ESR1: variants seen among roughly 807,000 people sequenced by gnomAD.
ESR1 encodes the protein estrogen receptor.
In ESR1, 12 loss-of-function variants were observed where a neutral mutation model predicts 52.7. That is an observed-to-expected ratio of 0.23 (90% CI 0.15 to 0.37). ESR1 has a LOEUF of 0.37. ESR1 is among the 10% of genes least tolerant of loss of function. The pLI is 1.00. For missense variants in ESR1, 584 were observed against 779.7 expected (o/e 0.75, Z 2.99); for synonymous variants, 305 against 316.8 (o/e 0.96, Z 0.39).
intron 2 of ESR1, among the ~76,000 whole-genome samples, chr6:151,867,683 GT>G (rs1790192579): frequency 1.3e-5 from 2 of 152,162 alleles, no homozygotes; most frequent in South Asian, 2.1e-4. Context: ...AAATAGGAAC[GT>G]TTTTACACTG....
At chr6:151,743,374 A>G (rs1783242215) in intron 2 of ESR1, among the ~76,000 whole-genome samples, 1 of 152,156 alleles carries the variant, frequency 6.6e-6, no homozygotes, top group Non-Finnish European at 1.5e-5. Flanking sequence ...TGTGCAAAGT[A>G]CACAAGAGCC....
chr6:151,665,237 T>C (rs1255245798), intron 1 of ESR1, among the ~76,000 whole-genome samples: 1 of 152,140 alleles, frequency 6.6e-6, no homozygotes, highest in Non-Finnish European at 1.5e-5. Flanking sequence ...AGACTTCCAT[T>C]AAACAAGAAA....
intron 3 of ESR1, among the ~76,000 whole-genome samples, chr6:151,937,545 G>A (rs1278680232): frequency 1.3e-5 from 2 of 152,114 alleles, no homozygotes; most frequent in Non-Finnish European, 2.9e-5. Flanking sequence ...CAGCAAGGAG[G>A]GAACTATAGG....
intron 4 of ESR1, among the ~76,000 whole-genome samples, chr6:151,990,833 C>A (rs2128713023): frequency 6.6e-6 from 1 of 152,274 alleles, no homozygotes; most frequent in Non-Finnish European, 1.5e-5. Flanking sequence ...AATTAGGTCA[C>A]CTTTCCCTTC....
intron 5 of ESR1, among the ~76,000 whole-genome samples, chr6:152,020,569 G>A (rs1478817423): frequency 6.6e-6 from 1 of 152,046 alleles, no homozygotes; most frequent in Non-Finnish European, 1.5e-5. Flanking sequence ...TTGTGCCTCA[G>A]CCTACAGAGT....
At position 151,861,945 on chromosome 6, in the gene ESR1, A is replaced by C. The variant is rs9340833; in HGVS notation, c.644-18710A>C. Among the ~76,000 whole-genome samples, 1,231 of 152,288 alleles carry C rather than the reference A, an allele frequency of 8.1e-3. 18 individuals carry two copies. The highest frequency in any genetic ancestry group is 0.028 in the African/African-American group (1,172 of 41,564). On this transcript the variant is annotated intron_variant, in intron 2 of 7. Transcript: ENST00000206249. Reference sequence around the variant, plus strand: ...TGAAGAAAATTACTTAAGGGTAAAAATGGATTGTTTACTGAGAAAATGATG... The same window carrying C: ...TGAAGAAAATTACTTAAGGGTAAAACTGGATTGTTTACTGAGAAAATGATG...
At chr6:152,029,728 T>C (rs1277659576) in intron 5 of ESR1, among the ~76,000 whole-genome samples, 1 of 152,130 alleles carries the variant, frequency 6.6e-6, no homozygotes, top group South Asian at 2.1e-4. Context: ...CAGGATATTA[T>C]CCAGGAGAAC....
At chr6:152,129,514 A>G (rs868116549) in exon 7 of ESR1, 5 of 152,118 alleles carry the variant, frequency 3.3e-5, no homozygotes, top group Non-Finnish European at 2.9e-5. Flanking sequence ...AAAGTCCCCA[A>G]GAGTTTTTCT....
intron 1 of ESR1, among the ~76,000 whole-genome samples, chr6:151,827,445 C>T (rs1294395151): frequency 1.3e-5 from 2 of 151,462 alleles, no homozygotes; most frequent in Non-Finnish European, 2.9e-5. Context: ...CTGGCTTTTA[C>T]TCTGAGTGAG....
Position 152,111,256 on chromosome 6 carries a change from T to C in ESR1, c.851-14010T>C, listed in dbSNP as rs188831685. 1.6e-4 allele frequency among the ~76,000 whole-genome samples: 24 copies of C among 152,232 alleles called. No homozygotes were observed. In the East Asian group the frequency reaches 4.6e-3, roughly 29 times the overall value. Reference sequence around the variant, plus strand: ...AAATGAACGTGAAAAAAGATAAAACTGGAGCAAGGAAGCCTTTGGGCAAAC... The same window carrying C: ...AAATGAACGTGAAAAAAGATAAAACCGGAGCAAGGAAGCCTTTGGGCAAAC... On this transcript the variant is annotated intron_variant, in intron 6 of 6. Coordinates refer to the ESR1 transcript ENST00000427531.
chr6:151,913,445 T>C (rs925781337), intron 3 of ESR1, among the ~76,000 whole-genome samples: 3 of 152,266 alleles, frequency 2.0e-5, no homozygotes, highest in Non-Finnish European at 4.4e-5. Context: ...ATACACTTTA[T>C]TTTTAACAAG....
At chr6:152,031,461 C>T (rs2044696712) in intron 5 of ESR1, among the ~76,000 whole-genome samples, 1 of 152,050 alleles carries the variant, frequency 6.6e-6, no homozygotes, top group Non-Finnish European at 1.5e-5. Flanking sequence ...GGGGATATCA[C>T]CACTGATCCC....
At chr6:151,855,450 A>G (rs1429217974) in intron 2 of ESR1, among the ~76,000 whole-genome samples, 1 of 152,030 alleles carries the variant, frequency 6.6e-6, no homozygotes, top group Non-Finnish European at 1.5e-5. Flanking sequence ...GCACATTTGT[A>G]CTCTGTCCAC....
Position 151,844,071 on chromosome 6 carries a change from A to T in ESR1, c.643+1284A>T, listed in dbSNP as rs974235800. On this transcript the variant is annotated intron_variant, in intron 2 of 7. Coordinates refer to ENST00000206249, the MANE Select transcript of ESR1 (RefSeq NM_000125.4). ...TTTTTGTTGGTATTTTTATACAATTAATGATATTCTCAATAGTAATCTTTG... is the reference window on the plus strand; with the variant it reads ...TTTTTGTTGGTATTTTTATACAATTTATGATATTCTCAATAGTAATCTTTG... Among the ~76,000 whole-genome samples, 45 of 151,764 alleles carry T rather than the reference A, an allele frequency of 3.0e-4. 1 individual carries two copies. The highest frequency in any genetic ancestry group is 1.3e-4 in the Admixed American group (2 of 15,246).
Position 152,100,254 on chromosome 6 carries a change from A to T in ESR1, c.*1288A>T, listed in dbSNP as rs2050916867. Reference sequence around the variant, plus strand: ...AGCTGCTGTAGACAGCTGTGTTCCTACAATTGGCCCAGCACCCTGGGGCAC... The same window carrying T: ...AGCTGCTGTAGACAGCTGTGTTCCTTCAATTGGCCCAGCACCCTGGGGCAC... On this transcript the variant is annotated 3_prime_UTR_variant, in exon 8 of 8. Coordinates refer to ENST00000206249, the MANE Select transcript of ESR1 (RefSeq NM_000125.4). 1 of 394,088 alleles carries T rather than the reference A, an allele frequency of 2.5e-6. No homozygotes were observed. Among genetic ancestry groups the T allele is most frequent in the Admixed American group, 4.4e-5 (1 of 22,600 alleles). The allele number at this position is 394,088 out of a possible 1,614,324, so 24.4% of individuals were successfully genotyped here.
At chr6:152,119,537 TATTAA>T (rs1585283241) in intron 6 of ESR1, among the ~76,000 whole-genome samples, 2 of 152,212 alleles carry the variant, frequency 1.3e-5, no homozygotes, top group East Asian at 3.8e-4. Flanking sequence ...ACCACCATGT[TATTAA>T]CCCTTCCCTT....
chr6:151,850,796 A>G (rs771255514), intron 2 of ESR1, among the ~76,000 whole-genome samples: 11 of 152,152 alleles, frequency 7.2e-5, no homozygotes, highest in African/African-American at 2.2e-4. Flanking sequence ...GAGCTGTTGC[A>G]TAGCTCTATT....
chr6:152,011,875 C>A (rs779915670), intron 5 of ESR1, 81 bp downstream of exon 5: 2 of 1,485,246 alleles, frequency 1.3e-6, no homozygotes, highest in South Asian at 2.3e-5. Context: ...ATTCATCTCT[C>A]GGTGAAGCTT....
rs79624495 is a variant in ESR1 at position 151,825,242 on chromosome 6, C to T, written c.452+16878C>T. Among the ~76,000 whole-genome samples the T allele has an allele frequency of 2.9e-3, 436 of 152,210 alleles. 6 individuals carry two copies. Among genetic ancestry groups the T allele is most frequent in the East Asian group, 0.027 (137 of 5,158 alleles). ...CTGCCTTGGTAGAGCTTGATCGTGACTCTGGTGGCTTGGGAGATGGCATGC... is the reference window on the plus strand; with the variant it reads ...CTGCCTTGGTAGAGCTTGATCGTGATTCTGGTGGCTTGGGAGATGGCATGC... On this transcript the variant is annotated intron_variant, in intron 1 of 7. Transcript: ENST00000206249.
Sources: allele counts gnomAD v4.1 joint callset (sites outside exome capture counted in the v4.1 genomes callset), GRCh38; gene constraint gnomAD v4.1.1; transcripts MANE v1.5; gene names NCBI Gene and HGNC (gene_info 2026-07-23, HGNC 2026-07-21).